Variants in TMPRSS12 observed in about 807,000 individuals in gnomAD.
TMPRSS12 encodes transmembrane protease serine 12.
TMPRSS12 carries 25 observed loss-of-function variants against 26.0 expected under a neutral mutation model. The ratio of observed to expected loss-of-function variants is 0.96; its 90% CI spans 0.70 to 1.34. TMPRSS12 has a LOEUF of 1.34. TMPRSS12 is among the 40% of genes most tolerant of loss of function. The probability of loss-of-function intolerance (pLI) is 0.00; values close to 1 mark genes in which losing one functional copy is unlikely to be tolerated. For missense variants in TMPRSS12, 441 were observed against 440.1 expected (o/e 1.00, Z -0.02); for synonymous variants, 150 against 161.7 (o/e 0.93, Z 0.55).
intron 2 of TMPRSS12, among the ~76,000 whole-genome samples, chr12:50,852,867 A>G (rs1195277196): frequency 6.6e-6 from 1 of 152,248 alleles, no homozygotes; most frequent in East Asian, 1.9e-4. Context: ...TTAGATAACC[A>G]CACAATAATA....
rs569901442 is a variant in TMPRSS12 at position 50,845,008 on chromosome 12, G to T, written c.383+971G>T. On this transcript the variant is annotated intron_variant, in intron 2 of 4. Coordinates refer to ENST00000398458, the MANE Select transcript of TMPRSS12 (RefSeq NM_182559.3). The stretch of plus-strand genomic sequence containing the variant: ...TTGAGACCAGCCTGGGAAATATAGC[G>T]AGACCCTGTCTCTATATTTAAAAAA... Among the ~76,000 whole-genome samples the T allele has an allele frequency of 2.6e-5, 4 of 152,224 alleles. No homozygotes were observed. In the East Asian group the frequency reaches 7.7e-4, roughly 29 times the overall value.
At chr12:50,844,136 G>T (rs1385890296) in intron 2 of TMPRSS12, 99 bp downstream of exon 2, 1 of 1,053,858 alleles carries the variant, frequency 9.5e-7, no homozygotes, top group Non-Finnish European at 1.3e-6. Context: ...AGCTATGTTT[G>T]CAAATAGCCA....
At chr12:50,863,577 A>C (rs1428883399) in intron 3 of TMPRSS12, among the ~76,000 whole-genome samples, 1 of 152,260 alleles carries the variant, frequency 6.6e-6, no homozygotes, top group East Asian at 1.9e-4. Flanking sequence ...TTACCATAGA[A>C]TATAACTAAG....
intron 2 of TMPRSS12, among the ~76,000 whole-genome samples, chr12:50,854,082 T>C (rs2139722695): frequency 6.6e-6 from 1 of 152,148 alleles, no homozygotes; most frequent in Non-Finnish European, 1.5e-5. Flanking sequence ...CTCAACAAAA[T>C]ACTGGCAAAC....
chr12:50,880,358 C>T (rs1938151708), intron 3 of TMPRSS12, among the ~76,000 whole-genome samples: 1 of 152,162 alleles, frequency 6.6e-6, no homozygotes, highest in Non-Finnish European at 1.5e-5. Flanking sequence ...GTACTACACT[C>T]CAGCATGGGT....
intron 2 of TMPRSS12, among the ~76,000 whole-genome samples, chr12:50,844,954 A>G (rs1407347562): frequency 1.3e-5 from 2 of 152,228 alleles, no homozygotes; most frequent in Non-Finnish European, 2.9e-5. Flanking sequence ...TGGGAAGCCA[A>G]GACGGGAGGA....
intron 3 of TMPRSS12, among the ~76,000 whole-genome samples, chr12:50,879,375 A>G (rs1938143466): frequency 1.3e-5 from 2 of 152,252 alleles, no homozygotes. Context: ...CAATGGAAAA[A>G]GAGCTGCAAA....
At position 50,858,571 on chromosome 12, in the gene TMPRSS12, C is replaced by A. The variant is rs766752919; in HGVS notation, c.384-214C>A. Among the ~76,000 whole-genome samples the A allele has an allele frequency of 1.1e-4, 16 of 152,226 alleles. No individual in the cohort carries two copies. The South Asian group carries it at 3.1e-3, about 30-fold the overall frequency. ...CTGCCTTAATAACATATTAAATTCT[C>A]ATGTACTTGAATCAGTTTCTGGATT... On this transcript the variant is annotated intron_variant, in intron 2 of 4. Transcript: ENST00000398458.
chr12:50,853,721 A>T (rs1937849655), intron 2 of TMPRSS12, among the ~76,000 whole-genome samples: 1 of 152,136 alleles, frequency 6.6e-6, no homozygotes, highest in Non-Finnish European at 1.5e-5. Flanking sequence ...ATGTACACAA[A>T]CTAGAAAACC....
intron 2 of TMPRSS12, among the ~76,000 whole-genome samples, chr12:50,844,246 G>T (rs1034941205): frequency 6.6e-6 from 1 of 152,050 alleles, no homozygotes; most frequent in African/African-American, 2.4e-5. Context: ...TGCAGAACGT[G>T]CAGGTTTGTT....
intron 3 of TMPRSS12, among the ~76,000 whole-genome samples, chr12:50,882,517 A>T (rs1042186239): frequency 6.6e-6 from 1 of 152,082 alleles, no homozygotes; most frequent in Non-Finnish European, 1.5e-5. Flanking sequence ...ACAACAAACC[A>T]CTGGTAAGAC....
chr12:50,879,105 A>T (rs978514528), intron 3 of TMPRSS12, among the ~76,000 whole-genome samples: 4 of 152,256 alleles, frequency 2.6e-5, no homozygotes, highest in Non-Finnish European at 4.4e-5. Context: ...GCAACTGTTT[A>T]TAAGCAGTCT....
At position 50,843,219 on chromosome 12, in the gene TMPRSS12, A is replaced by G; in HGVS notation, c.187+68A>G. On this transcript the variant is annotated intron_variant, in intron 1 of 4. Coordinates refer to ENST00000398458, the MANE Select transcript of TMPRSS12 (RefSeq NM_182559.3). ...TTTTCCCCACCGCTATAGTCTTTGAATTCGGGTTTCTCCTTTTCTGTTGTC... is the reference window on the plus strand; with the variant it reads ...TTTTCCCCACCGCTATAGTCTTTGAGTTCGGGTTTCTCCTTTTCTGTTGTC... 4.9e-6 allele frequency: 7 copies of G among 1,424,844 alleles called. No individual in the cohort carries two copies. The South Asian group carries it at 1.1e-4, about 22-fold the overall frequency. The allele number at this position is 1,424,844 out of a possible 1,614,324, so 88.3% of individuals were successfully genotyped here. A position where few individuals can be genotyped will look rare whatever the true frequency, so the allele number is the denominator to read the frequency against.
intron 2 of TMPRSS12, among the ~76,000 whole-genome samples, chr12:50,844,850 A>G (rs527341900): frequency 6.6e-6 from 1 of 152,226 alleles, no homozygotes; most frequent in Non-Finnish European, 1.5e-5. Context: ...TCTGAATTTC[A>G]TATGTTTAAC....
In TMPRSS12 at chr12:50,887,402, G is replaced by A. The variant is rs1238998767; in HGVS notation, c.936G>A (p.Trp312Ter). The A allele has an allele frequency of 1.2e-6, 2 of 1,613,900 alleles. No homozygotes were observed. The highest frequency in any genetic ancestry group is 1.7e-6 in the Non-Finnish European group (2 of 1,179,862). ...TTGGGCCATCCTTCTACCAAAAGTG[G>A]CTGACAGAGCATTTCTTCCATGCAA... ...VYIGPSFYQK[W>*]LTEHFFHAST... The change falls in exon 5 of 5, where the codon TGG becomes TGA. Residue 312 changes from tryptophan to a stop codon, truncating the protein, a stop_gained. Transcript: ENST00000398458. LOFTEE classifies it low-confidence loss of function (END_TRUNC).
intron 2 of TMPRSS12, among the ~76,000 whole-genome samples, chr12:50,850,061 A>G (rs546424062): frequency 6.6e-6 from 1 of 152,274 alleles, no homozygotes; most frequent in Non-Finnish European, 1.5e-5. Context: ...CATCCATGTT[A>G]TTATGTGTGT....
In TMPRSS12 at chr12:50,869,543, G is replaced by A. The variant is rs541011435; in HGVS notation, c.652+10490G>A. 3.9e-5 allele frequency among the ~76,000 whole-genome samples: 6 copies of A among 152,232 alleles called. No individual in the cohort carries two copies. In the East Asian group the frequency reaches 1.2e-3, roughly 29 times the overall value. On this transcript the variant is annotated intron_variant, in intron 3 of 4. Coordinates refer to ENST00000398458, the MANE Select transcript of TMPRSS12 (RefSeq NM_182559.3). ...AACCATAAAAATCCAGGATCAGATGGATTCATGGCAGAATTCTACCAGACA... is the reference window on the plus strand; with the variant it reads ...AACCATAAAAATCCAGGATCAGATGAATTCATGGCAGAATTCTACCAGACA...
chr12:50,867,190 G>A (rs1345715567), intron 3 of TMPRSS12, among the ~76,000 whole-genome samples: 3 of 152,218 alleles, frequency 2.0e-5, no homozygotes, highest in Admixed American at 2.0e-4. Flanking sequence ...TAATCATGGA[G>A]GCTCCAGAGA....
At chr12:50,864,898 A>G (rs1455342476) in intron 3 of TMPRSS12, among the ~76,000 whole-genome samples, 1 of 152,086 alleles carries the variant, frequency 6.6e-6, no homozygotes, top group Non-Finnish European at 1.5e-5. Context: ...TGACCTCGTG[A>G]TCCACCCACC....
Sources: gnomAD v4.1 joint callset for allele counts (sites outside exome capture counted in the v4.1 genomes callset) on GRCh38, gnomAD v4.1.1 for gene constraint, MANE v1.5 for transcripts, NCBI Gene and HGNC (gene_info 2026-07-23, HGNC 2026-07-21) for gene names.